GRID2: variants seen among roughly 807,000 people sequenced by gnomAD.
The protein encoded by GRID2 is glutamate ionotropic receptor delta type subunit 2, also known as glutamate receptor ionotropic, delta-2.
A neutral mutation model predicts 114.8 loss-of-function variants in GRID2; 33 were observed. The ratio of observed to expected loss-of-function variants is 0.29; its 90% CI spans 0.22 to 0.38. The LOEUF (loss-of-function observed/expected upper bound fraction) is 0.38, where lower values mean the gene tolerates loss of function less well. Among genes scored for constraint, GRID2 ranks in the 10% least tolerant of loss-of-function variants. The pLI, the probability that GRID2 is intolerant of heterozygous loss-of-function variation, is 1.00. For synonymous variants in GRID2, 505 were observed against 449.9 expected (o/e 1.12, Z -1.55); for missense variants, 1,184 against 1,257.7 (o/e 0.94, Z 0.89).
intron 8 of GRID2, among the ~76,000 whole-genome samples, chr4:93,363,396 G>A (rs1762052554): frequency 6.6e-6 from 1 of 152,104 alleles, no homozygotes; most frequent in Non-Finnish European, 1.5e-5. Flanking sequence ...TAAGAGGAGT[G>A]ATGATTTTGT....
chr4:93,351,625 T>C (rs775243533), intron 8 of GRID2, among the ~76,000 whole-genome samples: 1 of 152,060 alleles, frequency 6.6e-6, no homozygotes, highest in Non-Finnish European at 1.5e-5. Context: ...TCAGTGATAA[T>C]AGGAAGGGCA....
intron 1 of GRID2, among the ~76,000 whole-genome samples, chr4:92,536,405 C>G (rs1725633705): frequency 6.6e-6 from 1 of 152,116 alleles, no homozygotes; most frequent in African/African-American, 2.4e-5. Context: ...ACCCAGAAAC[C>G]CAGCCGGCTT....
intron 13 of GRID2, among the ~76,000 whole-genome samples, chr4:93,517,297 T>C (rs1181682130): frequency 1.3e-5 from 2 of 152,070 alleles, no homozygotes; most frequent in Non-Finnish European, 2.9e-5. Flanking sequence ...AGTTGTGACA[T>C]AATAAAAAGA....
At chr4:92,706,034 G>A (rs1218765240) in intron 2 of GRID2, among the ~76,000 whole-genome samples, 1 of 152,162 alleles carries the variant, frequency 6.6e-6, no homozygotes, top group African/African-American at 2.4e-5. Context: ...CAGCCTGCTG[G>A]CTTGCAGCCT....
intron 2 of GRID2, among the ~76,000 whole-genome samples, chr4:92,972,105 T>C (rs973354072): frequency 6.6e-6 from 1 of 152,126 alleles, no homozygotes; most frequent in African/African-American, 2.4e-5. Context: ...AGTTTTTTTT[T>C]CTCAGAAACT....
At chr4:92,530,746 A>C (rs919241968) in intron 1 of GRID2, among the ~76,000 whole-genome samples, 2 of 151,176 alleles carry the variant, frequency 1.3e-5, no homozygotes, top group African/African-American at 4.9e-5. Context: ...AAAAAAAAAA[A>C]AAAAAAAAAA....
intron 2 of GRID2, among the ~76,000 whole-genome samples, chr4:92,693,469 A>G (rs1379166951): frequency 6.6e-6 from 1 of 152,238 alleles, no homozygotes; most frequent in Non-Finnish European, 1.5e-5. Flanking sequence ...ACTAAAAATA[A>G]TGTTTGAACA....
At chr4:92,771,636 A>G (rs142933155) in intron 2 of GRID2, among the ~76,000 whole-genome samples, 5 of 152,322 alleles carry the variant, frequency 3.3e-5, no homozygotes, top group African/African-American at 4.8e-5. Context: ...GTTTTATGCA[A>G]CTTTATTGGA....
intron 1 of GRID2, among the ~76,000 whole-genome samples, chr4:92,357,400 A>G (rs761000227): frequency 4.6e-5 from 7 of 151,922 alleles, no homozygotes; most frequent in Non-Finnish European, 8.8e-5. Context: ...ACACAAAATA[A>G]TATTTAAAAT....
intron 3 of GRID2, among the ~76,000 whole-genome samples, chr4:93,094,731 T>C (rs536486346): frequency 2.6e-5 from 4 of 152,070 alleles, no homozygotes; most frequent in African/African-American, 7.2e-5. Flanking sequence ...CTACTTACAC[T>C]AAGATTAAAC....
intron 2 of GRID2, among the ~76,000 whole-genome samples, chr4:93,013,581 A>G (rs1722397345): frequency 6.6e-6 from 1 of 151,992 alleles, no homozygotes; most frequent in African/African-American, 2.4e-5. Context: ...CTATTCCTGT[A>G]TTAGAGGTTC....
chr4:92,840,634 G>A (rs912670493), intron 2 of GRID2, among the ~76,000 whole-genome samples: 12 of 151,760 alleles, frequency 7.9e-5, no homozygotes, highest in African/African-American at 2.9e-4. Context: ...TTGTTTCTTG[G>A]GGCATTTTGT....
At chr4:93,497,642 T>C (rs942759992) in intron 12 of GRID2, among the ~76,000 whole-genome samples, 1 of 151,378 alleles carries the variant, frequency 6.6e-6, no homozygotes, top group Non-Finnish European at 1.5e-5. Context: ...TGCACCTTTG[T>C]ACAAAAAAAA....
At chr4:93,137,256 T>C (rs1166071225) in intron 4 of GRID2, among the ~76,000 whole-genome samples, 1 of 152,210 alleles carries the variant, frequency 6.6e-6, no homozygotes, top group Non-Finnish European at 1.5e-5. Context: ...TGAGTTTATT[T>C]ATCCATTGAA....
At chr4:93,271,652 T>C (rs1579499618) in intron 8 of GRID2, among the ~76,000 whole-genome samples, 1 of 152,200 alleles carries the variant, frequency 6.6e-6, no homozygotes, top group Non-Finnish European at 1.5e-5. Flanking sequence ...CATAAGTCAC[T>C]CTATTGCTTA....
chr4:92,578,091 TC>T (rs2149199557), intron 1 of GRID2, among the ~76,000 whole-genome samples: 1 of 54,276 alleles, frequency 1.8e-5, no homozygotes, highest in Non-Finnish European at 3.7e-5. Context: ...TTCTTCTTCT[TC>T]TTCTTCTTCT....
rs527293330 is a variant in GRID2 at position 93,324,710 on chromosome 4, CAG to C, written c.1246-70894_1246-70893del. On this transcript the variant is annotated intron_variant, in intron 8 of 15. Transcript: ENST00000282020. ...AGGCTATTAATTATTGCCTCAATTT[CAG>C]AGTCTGTTATTGGTCTATTCAGAGA... Among the ~76,000 whole-genome samples the C allele has an allele frequency of 2.0e-4, 31 of 152,238 alleles. No homozygotes were observed. In the East Asian group the frequency reaches 6.0e-3, roughly 29 times the overall value.
chr4:92,560,572 G>A lies in GRID2; in HGVS notation c.89-29559G>A, dbSNP rs541299616. Among the ~76,000 whole-genome samples, 9 of 152,290 alleles carry A rather than the reference G, an allele frequency of 5.9e-5. No individual in the cohort carries two copies. In the South Asian group the frequency reaches 6.2e-4, roughly 11 times the overall value. The stretch of plus-strand genomic sequence containing the variant: ...TTATTGATCAATGTTTCACAAAGGT[G>A]CATTGGTCATTACCACTGCTGTACC... On this transcript the variant is annotated intron_variant, in intron 1 of 15. Coordinates refer to ENST00000282020, the MANE Select transcript of GRID2 (RefSeq NM_001510.4).
intron 4 of GRID2, among the ~76,000 whole-genome samples, chr4:93,198,834 AT>A (rs928810521): frequency 6.6e-6 from 1 of 152,090 alleles, no homozygotes; most frequent in Admixed American, 6.5e-5. Context: ...GAAAAACTTT[AT>A]TTTTTCTTTA....
Sources: gnomAD v4.1 joint callset for allele counts (sites outside exome capture counted in the v4.1 genomes callset) on GRCh38, gnomAD v4.1.1 for gene constraint, MANE v1.5 for transcripts, NCBI Gene and HGNC (gene_info 2026-07-23, HGNC 2026-07-21) for gene names.